Variants in SLC7A8 observed in about 807,000 individuals in gnomAD.
SLC7A8 encodes solute carrier family 7 member 8, also known as large neutral amino acids transporter small subunit 2.
A neutral mutation model predicts 51.2 loss-of-function variants in SLC7A8; 30 were observed. The observed-to-expected ratio is 0.59, with a 90% confidence interval of 0.44 to 0.80. The LOEUF is 0.80. Among genes scored for constraint, SLC7A8 ranks in the 30% least tolerant of loss-of-function variants. SLC7A8 has a pLI of 0.00. For missense variants in SLC7A8, 612 were observed against 674.4 expected (o/e 0.91, Z 1.03); for synonymous variants, 257 against 275.8 (o/e 0.93, Z 0.67).
In SLC7A8 at chr14:23,182,871, T is replaced by G. The variant is rs1460780357; in HGVS notation, c.44A>C (p.His15Pro). 1 of 1,613,848 alleles carries G rather than the reference T, an allele frequency of 6.2e-7. No individual in the cohort carries two copies. Among genetic ancestry groups the G allele is most frequent in the African/African-American group, 1.3e-5 (1 of 74,864 alleles). Residue 15 changes from histidine (H) to proline (P), a missense_variant, in exon 1 of 11, where the codon CAC becomes CCC. Transcript: ENST00000316902. The part of the protein sequence containing the change: ...ARHRNNTEKK[H>P]PGGGESDASP... Reference sequence around the variant, plus strand: ...GGCGTCCGACTCGCCCCCACCTGGGTGTTTCTTTTCGGTGTTGTTTCGGTG... The same window carrying G: ...GGCGTCCGACTCGCCCCCACCTGGGGGTTTCTTTTCGGTGTTGTTTCGGTG...
At chr14:23,154,635 C>T (rs2048876518) in intron 3 of SLC7A8, among the ~76,000 whole-genome samples, 1 of 152,174 alleles carries the variant, frequency 6.6e-6, no homozygotes, top group Admixed American at 6.5e-5. Context: ...AAAGAAAACA[C>T]GGAGGCCTGT....
chr14:23,127,380 T>C (rs775915871), intron 10 of SLC7A8, 37 bp from the exon 11 acceptor site: 1 of 1,604,976 alleles, frequency 6.2e-7, no homozygotes, highest in South Asian at 1.1e-5. Flanking sequence ...AGGCCAATGC[T>C]GAGTATCCCA....
In SLC7A8 at chr14:23,165,656, T is replaced by G. The variant is rs1858326850; in HGVS notation, c.357-220A>C. ...ACAAGCACTAACACAAGTCTTGGCG[T>G]TCTTCCTTTCTCTCCTCTCCTTTCA... On this transcript the variant is annotated intron_variant, in intron 2 of 10. Coordinates refer to ENST00000316902, the MANE Select transcript of SLC7A8 (RefSeq NM_012244.4). This position sits in a 1 kb window ranked among gnomAD's most constrained non-coding sequence, Gnocchi z 4.2. Among the ~76,000 whole-genome samples the G allele has an allele frequency of 2.0e-5, 3 of 152,196 alleles. No individual in the cohort carries two copies. The South Asian group carries it at 6.2e-4, about 31-fold the overall frequency.
intron 3 of SLC7A8, among the ~76,000 whole-genome samples, chr14:23,162,488 G>A (rs1891873571): frequency 6.6e-6 from 1 of 152,238 alleles, no homozygotes; most frequent in Non-Finnish European, 1.5e-5. Flanking sequence ...TGAGAAGGCA[G>A]AGGCCAAACT....
intron 3 of SLC7A8, among the ~76,000 whole-genome samples, chr14:23,145,431 G>C (rs2048784684): frequency 6.6e-6 from 1 of 151,166 alleles, no homozygotes; most frequent in African/African-American, 2.4e-5. Context: ...GGAGGCTGAG[G>C]CAGGAAAATC....
intron 4 of SLC7A8, among the ~76,000 whole-genome samples, chr14:23,142,809 G>A (rs2048757473): frequency 1.3e-5 from 2 of 152,112 alleles, no homozygotes; most frequent in South Asian, 4.1e-4. Context: ...GCCGATATGT[G>A]GGGTCTTTAC....
At chr14:23,138,110 C>T in intron 6 of SLC7A8, 86 bp from the exon 7 acceptor site, 4 of 1,493,598 alleles carry the variant, frequency 2.7e-6, no homozygotes, top group Non-Finnish European at 3.7e-6. Context: ...GAAACCGTTT[C>T]TCCTATCTCC....
intron 3 of SLC7A8, among the ~76,000 whole-genome samples, chr14:23,164,005 A>C (rs2048936695): frequency 6.6e-6 from 1 of 151,414 alleles, no homozygotes; most frequent in Non-Finnish European, 1.5e-5. Flanking sequence ...TATGTTGCCC[A>C]GGCTGGAGTG....
chr14:23,166,239 T>C (rs984457027), intron 2 of SLC7A8, 97 bp downstream of exon 2: 28 of 1,342,570 alleles, frequency 2.1e-5, no homozygotes, highest in Non-Finnish European at 2.8e-5. Context: ...CACTGGAGAC[T>C]GGAAACCCCT....
chr14:23,132,668 T>G (rs2048648530), intron 7 of SLC7A8, among the ~76,000 whole-genome samples: 1 of 149,464 alleles, frequency 6.7e-6, no homozygotes, highest in African/African-American at 2.5e-5. Context: ...GGAGTTTCAC[T>G]CTTGTTGCCC....
At chr14:23,140,722 A>G (rs374839989) in intron 4 of SLC7A8, 98 bp from the exon 5 acceptor site, 2 of 1,191,872 alleles carry the variant, frequency 1.7e-6, no homozygotes, top group African/African-American at 3.1e-5. Context: ...TCCCTGTGGC[A>G]ATGACACCAA....
intron 3 of SLC7A8, among the ~76,000 whole-genome samples, chr14:23,156,846 A>C (rs752033047): frequency 4.6e-5 from 7 of 152,216 alleles, no homozygotes; most frequent in Admixed American, 1.3e-4. Flanking sequence ...GTGGGCACAC[A>C]CACTCTCTGA....
At chr14:23,138,056 A>C in intron 6 of SLC7A8, 32 bp from the exon 7 acceptor site, 1 of 1,612,880 alleles carries the variant, frequency 6.2e-7, no homozygotes, top group Non-Finnish European at 8.5e-7. Flanking sequence ...TAAGCAAAGG[A>C]GAGGTCACCA....
chr14:23,154,157 G>T, intron 3 of SLC7A8: 1 of 767,496 alleles, frequency 1.3e-6, no homozygotes, highest in Non-Finnish European at 1.6e-6. Context: ...CTCCAAACCT[G>T]CAAAACAGGC....
intron 3 of SLC7A8, among the ~76,000 whole-genome samples, chr14:23,154,847 G>T (rs116793923): frequency 0.014 from 2,068 of 151,682 alleles, 42 homozygotes; most frequent in African/African-American, 0.047. Context: ...ACATTTTTTA[G>T]AGCGGGTGAG....
intron 3 of SLC7A8, among the ~76,000 whole-genome samples, chr14:23,158,929 A>G (rs2048907755): frequency 6.6e-6 from 1 of 152,132 alleles, no homozygotes; most frequent in Non-Finnish European, 1.5e-5. Context: ...GAACCTAATC[A>G]TGTGACTCCT....
chr14:23,155,363 T>C (rs1289550645), intron 3 of SLC7A8: 2 of 1,509,956 alleles, frequency 1.3e-6, no homozygotes, highest in Non-Finnish European at 1.8e-6. Context: ...CCCCATCCCC[T>C]CCCCTCCTCC....
intron 4 of SLC7A8, 126 bp from the exon 5 acceptor site, chr14:23,140,750 T>C: frequency 1.1e-6 from 1 of 910,212 alleles, no homozygotes; most frequent in Non-Finnish European, 1.6e-6. Context: ...TTGTCTCCAG[T>C]GAACCCAACA....
chr14:23,154,900 A>C (rs996695894), intron 3 of SLC7A8, among the ~76,000 whole-genome samples: 7 of 150,208 alleles, frequency 4.7e-5, no homozygotes, highest in East Asian at 4.0e-4. Flanking sequence ...ATTATTGTAC[A>C]TGTAACATAA....
Sources: gnomAD v4.1 joint callset for allele counts (sites outside exome capture counted in the v4.1 genomes callset) on GRCh38, gnomAD v4.1.1 for gene constraint, Gnocchi (gnomAD v3.1) non-coding constraint, MANE v1.5 for transcripts, NCBI Gene and HGNC (gene_info 2026-07-23, HGNC 2026-07-21) for gene names.